Variants in SLC9C2 observed in about 807,000 individuals in gnomAD.
SLC9C2 encodes solute carrier family 9 member C2 (putative).
In SLC9C2, 75 loss-of-function variants were observed where a neutral mutation model predicts 140.2. The observed-to-expected ratio is 0.53, with a 90% CI of 0.44 to 0.65. The LOEUF (loss-of-function observed/expected upper bound fraction) is 0.65, where lower values mean the gene tolerates loss of function less well. Among genes scored for constraint, SLC9C2 ranks in the 30% least tolerant of loss-of-function variants. The pLI is 0.00. For synonymous variants in SLC9C2, 375 were observed against 420.9 expected (o/e 0.89, Z 1.34); for missense variants, 1,074 against 1,331.8 (o/e 0.81, Z 3.01).
At chr1:173,558,285 T>C (rs947449134) in intron 9 of SLC9C2, among the ~76,000 whole-genome samples, 4 of 152,182 alleles carry the variant, frequency 2.6e-5, no homozygotes, top group Admixed American at 1.3e-4. Flanking sequence ...TATATAATTA[T>C]TTGGGCAAAC....
intron 19 of SLC9C2, among the ~76,000 whole-genome samples, chr1:173,525,970 G>A (rs1317728792): frequency 6.6e-6 from 1 of 152,082 alleles, no homozygotes; most frequent in Non-Finnish European, 1.5e-5. Context: ...ATTTTGATTT[G>A]GAAAGTGTAA....
chr1:173,534,170 A>G (rs1661783879), intron 16 of SLC9C2, among the ~76,000 whole-genome samples: 1 of 152,144 alleles, frequency 6.6e-6, no homozygotes, highest in Non-Finnish European at 1.5e-5. Context: ...ATTCTTATTC[A>G]CTTATTTATT....
intron 13 of SLC9C2, among the ~76,000 whole-genome samples, chr1:173,541,579 C>A (rs936379880): frequency 1.3e-5 from 2 of 152,190 alleles, no homozygotes; most frequent in Non-Finnish European, 2.9e-5. Flanking sequence ...CCACATCACA[C>A]TTATTCCAAA....
chr1:173,521,885 CAA>C (rs58355008), intron 21 of SLC9C2, among the ~76,000 whole-genome samples: 4,734 of 76,614 alleles, frequency 0.062, 117 homozygotes, highest in African/African-American at 0.16. Context: ...GGGCGCTATG[CAA>C]AAAAAAAAAA....
intron 23 of SLC9C2, among the ~76,000 whole-genome samples, chr1:173,512,926 G>T (rs1660152024): frequency 1.3e-5 from 2 of 152,166 alleles, no homozygotes; most frequent in South Asian, 4.1e-4. Context: ...TTTGTCATTG[G>T]TTCTGTTTAT....
At chr1:173,549,806 C>T (rs963420488) in intron 11 of SLC9C2, among the ~76,000 whole-genome samples, 2 of 151,958 alleles carry the variant, frequency 1.3e-5, no homozygotes, top group Non-Finnish European at 2.9e-5. Context: ...TTGGTTAATA[C>T]AATCAAAAAT....
At chr1:173,564,968 C>CTTTTTTTTTTTTTT (rs564120430) in intron 9 of SLC9C2, among the ~76,000 whole-genome samples, 4 of 113,616 alleles carry the variant, frequency 3.5e-5, no homozygotes, top group Non-Finnish European at 3.6e-5. Context: ...TTTTCTTTTT[C>CTTTTTTTTTTTTTT]TTTTTTTTTT....
chr1:173,535,000 T>G (rs981022472), intron 15 of SLC9C2, among the ~76,000 whole-genome samples: 1 of 151,974 alleles, frequency 6.6e-6, no homozygotes, highest in African/African-American at 2.4e-5. Context: ...AATTACACAT[T>G]GGATTGTTTA....
intron 6 of SLC9C2, among the ~76,000 whole-genome samples, chr1:173,583,215 T>C (rs186198559): frequency 4.7e-4 from 71 of 152,366 alleles, no homozygotes; most frequent in African/African-American, 1.6e-3. Flanking sequence ...TTCTAATACT[T>C]AATACAATGC....
At chr1:173,544,480 C>T (rs939720470) in intron 13 of SLC9C2, among the ~76,000 whole-genome samples, 2 of 152,098 alleles carry the variant, frequency 1.3e-5, no homozygotes, top group African/African-American at 4.8e-5. Flanking sequence ...ACTAGAAATA[C>T]CATTTGATCC....
Position 173,576,654 on chromosome 1 carries a change from A to G in SLC9C2, c.902+7T>C, listed in dbSNP as rs746149617. On this transcript the variant is annotated splice_region_variant and intron_variant, in intron 8 of 27. Coordinates refer to ENST00000367714, the MANE Select transcript of SLC9C2 (RefSeq NM_178527.4). ...AGATCCATCGAAGGGCACGATAGGA[A>G]ACTTACTTAGTAATTACAAGTTCGA... 29 of 1,588,128 alleles carry G rather than the reference A, an allele frequency of 1.8e-5. No individual in the cohort carries two copies. Among genetic ancestry groups the G allele is most frequent in the Non-Finnish European group, 2.3e-5 (27 of 1,160,550 alleles).
At chr1:173,517,970 T>A (rs1210057066) in intron 22 of SLC9C2, among the ~76,000 whole-genome samples, 1 of 152,066 alleles carries the variant, frequency 6.6e-6, no homozygotes, top group Non-Finnish European at 1.5e-5. Flanking sequence ...TATACAAAAA[T>A]CCCACCAGGG....
intron 9 of SLC9C2, among the ~76,000 whole-genome samples, chr1:173,560,258 T>A (rs1404024107): frequency 6.6e-6 from 1 of 152,182 alleles, no homozygotes; most frequent in Non-Finnish European, 1.5e-5. Flanking sequence ...CACCACTCCT[T>A]TTATAGTGGA....
At chr1:173,549,272 A>G (rs985593647) in intron 11 of SLC9C2, among the ~76,000 whole-genome samples, 1 of 152,194 alleles carries the variant, frequency 6.6e-6, no homozygotes, top group Non-Finnish European at 1.5e-5. Context: ...TTCACTCTCT[A>G]TGGGACACTG....
rs1484978290 is a variant in SLC9C2, at chr1:173,573,328, A to C, written c.903-3T>G. On this transcript the variant is annotated splice_region_variant and splice_polypyrimidine_tract_variant and intron_variant, in intron 8 of 27. Transcript: ENST00000367714. The stretch of plus-strand genomic sequence containing the variant: ...CAGATGAAAAAATTCTTAAGAACCT[A>C]GGATGAATGAAATAGAAATGACATT... The C allele has an allele frequency of 3.4e-6, 5 of 1,472,400 alleles. No homozygotes were observed. Among genetic ancestry groups the C allele is most frequent in the Non-Finnish European group, 2.8e-6 (3 of 1,081,326 alleles). 91.2% of individuals were successfully genotyped at this position (1,472,400 alleles called of 1,614,324 possible).
chr1:173,547,813 C>T (rs1286889758), intron 12 of SLC9C2, 29 bp from the exon 13 acceptor site: 1 of 1,518,780 alleles, frequency 6.6e-7, no homozygotes, highest in South Asian at 1.2e-5. Flanking sequence ...CATTTTAAAA[C>T]ATAAAGGGAT....
intron 11 of SLC9C2, among the ~76,000 whole-genome samples, chr1:173,549,323 T>C (rs1663087846): frequency 6.6e-6 from 1 of 152,204 alleles, no homozygotes; most frequent in Admixed American, 6.5e-5. Context: ...TTCAGAAAGA[T>C]CTGTAGGGAT....
In SLC9C2 at chr1:173,600,159, TAGAG is replaced by T. The variant is rs1666700093; in HGVS notation, c.182_185del (p.Ser61TyrfsTer5). On this transcript the variant is annotated frameshift_variant, in exon 3 of 28. Coordinates refer to ENST00000367714, the MANE Select transcript of SLC9C2 (RefSeq NM_178527.4). LOFTEE classifies it high-confidence loss of function. ...CCATGTGTCCTATCACGAATCCTGA[TAGAG>T]AAAGAATCGTCAAAACAATGACTTC... The T allele has an allele frequency of 6.2e-7, 1 of 1,612,206 alleles. No homozygotes were observed. Among genetic ancestry groups the T allele is most frequent in the Non-Finnish European group, 8.5e-7 (1 of 1,179,040 alleles).
chr1:173,526,990 G>A (rs1661247514), intron 18 of SLC9C2, among the ~76,000 whole-genome samples: 1 of 151,980 alleles, frequency 6.6e-6, no homozygotes, highest in African/African-American at 2.4e-5. Context: ...GGATACAAGT[G>A]TGAGCGACCA....
Sources: gnomAD v4.1 joint callset for allele counts (sites outside exome capture counted in the v4.1 genomes callset) on GRCh38, gnomAD v4.1.1 for gene constraint, MANE v1.5 for transcripts, NCBI Gene and HGNC (gene_info 2026-07-23, HGNC 2026-07-21) for gene names.